The following IQCM variants were observed in gnomAD, a reference collection of about 807,000 sequenced individuals.
IQCM encodes the protein IQ domain-containing protein M.
Under a neutral mutation model 57.6 loss-of-function variants are expected in IQCM, and 45 were observed. The ratio of observed to expected loss-of-function variants is 0.78; its 90% CI spans 0.62 to 1.00. IQCM has a LOEUF of 1.00. Ranked by LOEUF, IQCM falls within the 50% of genes least tolerant of loss-of-function variation. The probability of loss-of-function intolerance (pLI) is 0.00; values close to 1 mark genes in which losing one functional copy is unlikely to be tolerated. For missense variants in IQCM, 468 were observed against 511.6 expected, an observed-to-expected ratio of 0.91 and a Z score of 0.82; for synonymous variants, 148 against 158.9, an observed-to-expected ratio of 0.93 and a Z score of 0.51.
intron 13 of IQCM, among the ~76,000 whole-genome samples, chr4:149,423,225 G>A (rs1312729727): frequency 6.6e-6 from 1 of 151,978 alleles, no homozygotes; most frequent in East Asian, 1.9e-4. Context: ...TACAACTGGT[G>A]GAAGGGGAAG....
At chr4:149,787,296 T>A (rs918641110) in intron 2 of IQCM, among the ~76,000 whole-genome samples, 1 of 151,552 alleles carries the variant, frequency 6.6e-6, no homozygotes, top group Non-Finnish European at 1.5e-5. Flanking sequence ...TTTTTTTTTT[T>A]AGAAGAAATA....
At chr4:149,481,696 G>GTTTTTTTTTTTTTGTTTGTT (rs1197852884) in intron 12 of IQCM, among the ~76,000 whole-genome samples, 1 of 33,602 alleles carries the variant, frequency 3.0e-5, no homozygotes, top group Non-Finnish European at 5.2e-5. Context: ...GATTCTTCCA[G>GTTTTTTTTTTTTTGTTTGTT]TTTTGTTTTT....
intron 12 of IQCM, among the ~76,000 whole-genome samples, chr4:149,543,991 G>A (rs931047218): frequency 6.6e-6 from 1 of 152,022 alleles, no homozygotes; most frequent in Non-Finnish European, 1.5e-5. Context: ...GTAAAGAATT[G>A]TTTAAATTTG....
At chr4:149,402,290 C>G (rs528123298) in intron 13 of IQCM, among the ~76,000 whole-genome samples, 6 of 151,426 alleles carry the variant, frequency 4.0e-5, no homozygotes, top group African/African-American at 1.5e-4. Flanking sequence ...TCTACCCATA[C>G]CTTTGTAGAA....
chr4:149,567,250 T>G (rs1220457843), intron 9 of IQCM, among the ~76,000 whole-genome samples: 1 of 152,164 alleles, frequency 6.6e-6, no homozygotes, highest in East Asian at 1.9e-4. Flanking sequence ...TTACTTCTTT[T>G]TTACTCAAAA....
chr4:149,581,029 CAGT>C (rs1752129965), intron 9 of IQCM, among the ~76,000 whole-genome samples: 1 of 151,638 alleles, frequency 6.6e-6, no homozygotes, highest in Non-Finnish European at 1.5e-5. Context: ...ATAGTAATCA[CAGT>C]AACCAAGTTA....
intron 12 of IQCM, among the ~76,000 whole-genome samples, chr4:149,476,681 A>G (rs1388486747): frequency 1.3e-5 from 2 of 152,168 alleles, no homozygotes; most frequent in South Asian, 4.1e-4. Flanking sequence ...TGGATCCCAT[A>G]TATCTATCAG....
intron 12 of IQCM, among the ~76,000 whole-genome samples, chr4:149,520,561 A>G (rs1745528862): frequency 6.6e-6 from 1 of 152,156 alleles, no homozygotes; most frequent in Non-Finnish European, 1.5e-5. Context: ...AAATGAAGAA[A>G]CTGTTGCTAA....
intron 7 of IQCM, among the ~76,000 whole-genome samples, chr4:149,658,667 T>C (rs1046598187): frequency 6.6e-6 from 1 of 152,152 alleles, no homozygotes; most frequent in Non-Finnish European, 1.5e-5. Context: ...ATAAGTGTTT[T>C]GAAGTCTTCA....
At chr4:149,684,021 A>G (rs979078739) in intron 6 of IQCM, among the ~76,000 whole-genome samples, 17 of 151,382 alleles carry the variant, frequency 1.1e-4, no homozygotes, top group South Asian at 4.1e-4. Flanking sequence ...ATTTACTGAA[A>G]TGCAGTTGTC....
intron 2 of IQCM, among the ~76,000 whole-genome samples, chr4:149,801,246 T>G (rs1773575593): frequency 6.6e-6 from 1 of 151,792 alleles, no homozygotes; most frequent in Non-Finnish European, 1.5e-5. Context: ...CAAATTCTGG[T>G]GAGGTTGTGG....
intron 2 of IQCM, among the ~76,000 whole-genome samples, chr4:149,781,537 A>C (rs1194487961): frequency 6.6e-6 from 1 of 152,188 alleles, no homozygotes; most frequent in Non-Finnish European, 1.5e-5. Flanking sequence ...CCAAAGTGCA[A>C]GAGTAGTGAT....
chr4:149,807,439 G>T (rs1173620251), intron 2 of IQCM, among the ~76,000 whole-genome samples: 1 of 151,974 alleles, frequency 6.6e-6, no homozygotes, highest in Non-Finnish European at 1.5e-5. Flanking sequence ...ACTGAAAATG[G>T]ATTAAAGACT....
At chr4:149,660,873 C>G (rs1760133151) in intron 7 of IQCM, among the ~76,000 whole-genome samples, 1 of 151,770 alleles carries the variant, frequency 6.6e-6, no homozygotes, top group Admixed American at 6.6e-5. Flanking sequence ...AGGAGATATA[C>G]CTAATGCTAA....
chr4:149,447,176 G>A (rs984320767), intron 12 of IQCM, among the ~76,000 whole-genome samples: 1 of 151,524 alleles, frequency 6.6e-6, no homozygotes, highest in African/African-American at 2.4e-5. Flanking sequence ...ACCACGTAAG[G>A]TAGGTTTGTA....
At chr4:149,605,921 C>A (rs1281223098) in intron 8 of IQCM, among the ~76,000 whole-genome samples, 2 of 152,100 alleles carry the variant, frequency 1.3e-5, no homozygotes, top group Non-Finnish European at 2.9e-5. Context: ...AAATAAAGTA[C>A]CAGAAAAATT....
At chr4:149,469,260 A>G (rs556170494) in intron 12 of IQCM, among the ~76,000 whole-genome samples, 9 of 152,338 alleles carry the variant, frequency 5.9e-5, no homozygotes, top group African/African-American at 1.4e-4. Flanking sequence ...TAGAATAAAC[A>G]GTGTGGAGAA....
chr4:149,711,135 A>G (rs972950234), intron 5 of IQCM: 13 of 152,160 alleles, frequency 8.5e-5, no homozygotes, highest in Non-Finnish European at 1.8e-4. Context: ...CATGAAAATA[A>G]AAGTTTTTCC....
At chr4:149,482,652 T>G (rs899211141) in intron 12 of IQCM, among the ~76,000 whole-genome samples, 1 of 151,956 alleles carries the variant, frequency 6.6e-6, no homozygotes, top group African/African-American at 2.4e-5. Flanking sequence ...TGAATAATCA[T>G]TACAACTTAT....
Sources: gnomAD v4.1 joint callset for allele counts (sites outside exome capture counted in the v4.1 genomes callset) on GRCh38, gnomAD v4.1.1 for gene constraint, MANE v1.5 for transcripts, NCBI Gene and HGNC (gene_info 2026-07-23, HGNC 2026-07-21) for gene names.